The following LRSAM1 variants were observed in gnomAD, a reference collection of about 807,000 sequenced individuals.
The protein encoded by LRSAM1 is E3 ubiquitin-protein ligase LRSAM1.
Under a neutral mutation model 118.1 loss-of-function variants are expected in LRSAM1, and 96 were observed. The ratio of observed to expected loss-of-function variants is 0.81; its 90% CI spans 0.69 to 0.96. LRSAM1 has a LOEUF of 0.96. Ranked by LOEUF, LRSAM1 falls within the 40% of genes least tolerant of loss-of-function variation. LRSAM1 has a pLI of 0.00. For synonymous variants in LRSAM1, 322 were observed against 364.2 expected (o/e 0.88, Z 1.32); for missense variants, 804 against 915.5 (o/e 0.88, Z 1.57).
chr9:127,496,764 T>C (rs1228891717), intron 23 of LRSAM1, among the ~76,000 whole-genome samples: 4 of 152,134 alleles, frequency 2.6e-5, no homozygotes, highest in Admixed American at 6.5e-5. Context: ...TGCCCCTCCC[T>C]GGACAGATGC....
intron 11 of LRSAM1, among the ~76,000 whole-genome samples, chr9:127,475,456 A>G (rs1335435463): frequency 6.6e-6 from 1 of 152,000 alleles, no homozygotes; most frequent in Non-Finnish European, 1.5e-5. Flanking sequence ...GCGCCACTGC[A>G]CTCCAGCCTG....
chr9:127,451,584 G>T lies in LRSAM1; in HGVS notation c.-274G>T. On this transcript the variant is annotated 5_prime_UTR_variant, in exon 1 of 26. It adds an upstream start codon to the 5' untranslated region. Coordinates refer to ENST00000300417, the MANE Select transcript of LRSAM1 (RefSeq NM_001005373.4). ...TGCGCTGAAGCTAGAGATTCCGAAA[G>T]GGGGTTCGGGTAGTTCGCTCCGGAG... 1 of 555,298 alleles carries T rather than the reference G, an allele frequency of 1.8e-6. No individual in the cohort carries two copies. The highest frequency in any genetic ancestry group is 3.0e-5 in the Admixed American group (1 of 32,830). The allele number at this position is 555,298 out of a possible 1,614,324, so 34.4% of individuals were successfully genotyped here.
chr9:127,466,558 G>T (rs1834959992), intron 9 of LRSAM1, among the ~76,000 whole-genome samples: 1 of 111,990 alleles, frequency 8.9e-6, no homozygotes, highest in African/African-American at 3.5e-5. Flanking sequence ...TCGCTATGTT[G>T]CCCAGGCTGG....
chr9:127,478,856 C>G (rs1835428932), intron 11 of LRSAM1, 78 bp from the exon 12 acceptor site: 1 of 1,474,426 alleles, frequency 6.8e-7, no homozygotes, highest in South Asian at 1.1e-5. Context: ...ATCAGGCCAC[C>G]CGGGGGTTCC....
intron 4 of LRSAM1, 110 bp downstream of exon 4, chr9:127,455,164 C>T (rs1242171917): frequency 2.8e-6 from 3 of 1,075,986 alleles, no homozygotes. Context: ...GCCAGAAGCT[C>T]TAGTCACGAG....
At chr9:127,479,287 C>T in intron 12 of LRSAM1, 96 bp from the exon 13 acceptor site, 1 of 1,575,860 alleles carries the variant, frequency 6.3e-7, no homozygotes, top group Non-Finnish European at 8.7e-7. Context: ...GACCTGGAGC[C>T]TGCCCTGTCA....
At position 127,492,903 on chromosome 9, in the gene LRSAM1, T is replaced by C; in HGVS notation, c.1599+6T>C. 1 of 1,613,518 alleles carries C rather than the reference T, an allele frequency of 6.2e-7. No individual in the cohort carries two copies. The highest frequency in any genetic ancestry group is 1.1e-5 in the South Asian group (1 of 91,048). Reference sequence around the variant, plus strand: ...AAGAGCTCCGGGAAATCCTGGTATGTGTTTGGCTTCTGTGCTCAGCATCAC... The same window carrying C: ...AAGAGCTCCGGGAAATCCTGGTATGCGTTTGGCTTCTGTGCTCAGCATCAC... On this transcript the variant is annotated splice_donor_region_variant and intron_variant, in intron 21 of 25. Coordinates refer to ENST00000300417, the MANE Select transcript of LRSAM1 (RefSeq NM_001005373.4).
Position 127,496,079 on chromosome 9 carries a change from CA to C in LRSAM1, c.1815del (p.Asp607ThrfsTer33), listed in dbSNP as rs747130246. The C allele has an allele frequency of 3.2e-5, 52 of 1,610,724 alleles. No homozygotes were observed. The highest frequency in any genetic ancestry group is 4.3e-5 in the Non-Finnish European group (51 of 1,180,010). Reference protein sequence around the residue: ...LSLDLLSQMSPGDLAKVGVSE... With the variant: ...LSLDLLSQMSXGDLAKVGVSE... ...CTGGACCTGCTGAGCCAAATGAGCCCAGGGGACCTGGCCAAGGTGGGCAGCA... is the reference window on the plus strand; with the variant it reads ...CTGGACCTGCTGAGCCAAATGAGCCCGGGGACCTGGCCAAGGTGGGCAGCA... On this transcript the variant is annotated frameshift_variant, in exon 23 of 26. Coordinates refer to ENST00000300417, the MANE Select transcript of LRSAM1 (RefSeq NM_001005373.4). LOFTEE classifies it high-confidence loss of function.
Position 127,461,274 on chromosome 9 carries a change from C to T in LRSAM1, c.406+17C>T, listed in dbSNP as rs1271181540. 5.0e-6 allele frequency: 8 copies of T among 1,605,712 alleles called. No homozygotes were observed. The highest frequency in any genetic ancestry group is 1.1e-5 in the South Asian group (1 of 90,910). The stretch of plus-strand genomic sequence containing the variant: ...ATGTTAAAGGTAGGGACCAAGAAGC[C>T]GTGTCCGTGTGACCCTCCATCAGCT... On this transcript the variant is annotated intron_variant, in intron 8 of 25. Coordinates refer to ENST00000300417, the MANE Select transcript of LRSAM1 (RefSeq NM_001005373.4).
intron 25 of LRSAM1, among the ~76,000 whole-genome samples, chr9:127,501,980 C>G (rs916474778): frequency 2.6e-5 from 4 of 152,148 alleles, no homozygotes; most frequent in Non-Finnish European, 1.5e-5. Context: ...CAGCTTTGAG[C>G]GGAGCTTGGA....
At chr9:127,485,426 A>G (rs1418455412) in intron 16 of LRSAM1, among the ~76,000 whole-genome samples, 2 of 152,018 alleles carry the variant, frequency 1.3e-5, no homozygotes, top group African/African-American at 4.8e-5. Context: ...GCGTGGTGGC[A>G]GGCGTCTGTA....
At chr9:127,485,557 AAAAAC>A (rs1309109863) in intron 16 of LRSAM1, among the ~76,000 whole-genome samples, 174 bp from the exon 17 acceptor site, 1 of 152,170 alleles carries the variant, frequency 6.6e-6, no homozygotes, top group Non-Finnish European at 1.5e-5. Context: ...CTGCATCTCA[AAAAAC>A]AAAACAAAAC....
chr9:127,502,873 C>A lies in LRSAM1; in HGVS notation c.2146C>A (p.Arg716Ser). 6.2e-7 allele frequency: 1 copy of A among 1,607,240 alleles called. No homozygotes were observed. The change falls in exon 26 of 26, where the codon CGC (arginine) becomes AGC (serine). Residue 716 changes from arginine to serine, a missense_variant. Physicochemically the swap from Arg to Ser is moderately radical, Grantham distance 110 (BLOSUM62 -1). Coordinates refer to ENST00000300417, the MANE Select transcript of LRSAM1 (RefSeq NM_001005373.4). The stretch of plus-strand genomic sequence containing the variant: ...GCTGTGCCGCCAGGACATCGCCCAG[C>A]GCCTCCGCATCTACCACAGCAGCTG... ...CPLCRQDIAQ[R>S]LRIYHSS
chr9:127,473,393 A>G (rs1381457541), intron 10 of LRSAM1, among the ~76,000 whole-genome samples: 1 of 152,240 alleles, frequency 6.6e-6, no homozygotes, highest in Non-Finnish European at 1.5e-5. Flanking sequence ...AAGTGAGTCT[A>G]AGGTATGAAC....
intron 17 of LRSAM1, 146 bp downstream of exon 17, chr9:127,485,981 T>A: frequency 1.4e-6 from 1 of 719,362 alleles, no homozygotes; most frequent in Non-Finnish European, 2.5e-6. Flanking sequence ...TGATGGCTGC[T>A]CTTCCTGAGT....
At chr9:127,480,176 T>G (rs1835487143) in intron 14 of LRSAM1, among the ~76,000 whole-genome samples, 198 bp downstream of exon 14, 1 of 152,234 alleles carries the variant, frequency 6.6e-6, no homozygotes, top group Non-Finnish European at 1.5e-5. Context: ...GTCTGGTTTC[T>G]TAGCATGAGA....
rs1488334132 is a variant in LRSAM1, at chr9:127,471,724, C to T, written c.620-2077C>T. ...ATCGCTTGAACCCATGAGGCAGAGG[C>T]TGCAGTGAGCTGAGATCTCGCCACT... On this transcript the variant is annotated intron_variant, in intron 10 of 25. Transcript: ENST00000300417. 7.9e-4 allele frequency among the ~76,000 whole-genome samples: 117 copies of T among 148,042 alleles called. 2 individuals are homozygous for T. The highest frequency in any genetic ancestry group is 1.3e-3 in the Non-Finnish European group (86 of 65,926).
chr9:127,478,788 A>T, intron 11 of LRSAM1, 146 bp from the exon 12 acceptor site: 1 of 764,874 alleles, frequency 1.3e-6, no homozygotes, highest in South Asian at 1.5e-5. Context: ...GGATCCCCTC[A>T]TCCCCCGACC....
intron 21 of LRSAM1, among the ~76,000 whole-genome samples, chr9:127,494,204 G>A (rs574563607): frequency 6.6e-6 from 1 of 152,238 alleles, no homozygotes; most frequent in African/African-American, 2.4e-5. Flanking sequence ...GCTGCAGCCC[G>A]GGAGGGCCAA....
Sources: gnomAD v4.1 joint callset for allele counts (sites outside exome capture counted in the v4.1 genomes callset) on GRCh38, gnomAD v4.1.1 for gene constraint, MANE v1.5 for transcripts, NCBI Gene and HGNC (gene_info 2026-07-23, HGNC 2026-07-21) for gene names.